The following LRBA variants were observed in gnomAD, a reference collection of about 807,000 sequenced individuals.
LRBA encodes LPS responsive beige-like anchor protein.
Under a neutral mutation model 330.0 loss-of-function variants are expected in LRBA, and 176 were observed. The ratio of observed to expected loss-of-function variants is 0.53; its 90% CI spans 0.47 to 0.60. The LOEUF is 0.60. Ranked by LOEUF, LRBA falls within the 20% of genes least tolerant of loss-of-function variation. LRBA has a pLI of 0.00. For synonymous variants in LRBA, 1,230 were observed against 1,193.0 expected (o/e 1.03, Z -0.64); for missense variants, 3,259 against 3,444.8 (o/e 0.95, Z 1.35).
At chr4:150,581,577 T>C (rs2126372920) in intron 40 of LRBA, 1 of 199,896 alleles carries the variant, frequency 5.0e-6, no homozygotes, top group Non-Finnish European at 1.0e-5. Flanking sequence ...TTCTGAACCA[T>C]TGCTACTCTC....
intron 37 of LRBA, among the ~76,000 whole-genome samples, chr4:150,670,193 A>C (rs1385193337): frequency 6.6e-6 from 1 of 152,194 alleles, no homozygotes; most frequent in Non-Finnish European, 1.5e-5. Flanking sequence ...TGTATTGTAC[A>C]GTACTGTGGT....
At chr4:150,916,846 C>T (rs1561002828) in intron 5 of LRBA, 108 bp from the exon 6 acceptor site, 2 of 838,726 alleles carry the variant, frequency 2.4e-6, no homozygotes, top group Non-Finnish European at 3.5e-6. Context: ...CATCACATTA[C>T]TTTATGTCAC....
chr4:150,451,884 T>C (rs918411725), intron 44 of LRBA, among the ~76,000 whole-genome samples: 10 of 152,128 alleles, frequency 6.6e-5, no homozygotes, highest in Non-Finnish European at 1.5e-5. Flanking sequence ...AACAAAAAGA[T>C]AACCCGAATA....
chr4:150,904,363 A>G (rs898596102), intron 13 of LRBA, among the ~76,000 whole-genome samples: 1 of 152,226 alleles, frequency 6.6e-6, no homozygotes, highest in Non-Finnish European at 1.5e-5. Flanking sequence ...ATAAAAGCAG[A>G]TAAAACCCCT....
intron 4 of LRBA, among the ~76,000 whole-genome samples, chr4:150,926,431 A>T (rs1454797388): frequency 6.6e-6 from 1 of 152,220 alleles, no homozygotes; most frequent in African/African-American, 2.4e-5. Context: ...CTTACTGGAA[A>T]AAAAACTTTT....
chr4:150,584,789 C>T (rs1771889592), intron 40 of LRBA: 1 of 159,662 alleles, frequency 6.3e-6, no homozygotes, highest in African/African-American at 2.4e-5. Flanking sequence ...ATGCAAGAAG[C>T]TTCCACTTGA....
chr4:150,845,937 C>G (rs774055764), intron 26 of LRBA, among the ~76,000 whole-genome samples: 3 of 152,162 alleles, frequency 2.0e-5, no homozygotes, highest in Non-Finnish European at 2.9e-5. Flanking sequence ...TGGTTTCAAT[C>G]AGTTACTCTT....
intron 37 of LRBA, among the ~76,000 whole-genome samples, chr4:150,645,770 A>C (rs923464907): frequency 2.8e-4 from 42 of 151,966 alleles, no homozygotes; most frequent in African/African-American, 1.0e-3. Context: ...GTGTGAAAAC[A>C]TATTTTAAAA....
At chr4:150,823,029 A>C (rs1226915462) in intron 30 of LRBA, among the ~76,000 whole-genome samples, 1 of 152,210 alleles carries the variant, frequency 6.6e-6, no homozygotes, top group African/African-American at 2.4e-5. Flanking sequence ...TGTAGTAATT[A>C]CACTCCCACC....
In LRBA at chr4:150,761,829, G is replaced by T; in HGVS notation, c.5599C>A (p.Gln1867Lys). ...LCSQEWQNSI[Q>K]KNAGLAFIEL... ...ATAAAAGCAAGGCCTGCATTCTTCT[G>T]AATAGAATTTTGCCACTCCTATAAA... Residue 1867 changes from glutamine (Q) to lysine (K), a missense_variant, in exon 35 of 57, where the codon CAG becomes AAG. Gln to Lys is a moderately conservative substitution (Grantham distance 53). Transcript: ENST00000651943. 6.5e-7 allele frequency: 1 copy of T among 1,533,370 alleles called. No homozygotes were observed. The highest frequency in any genetic ancestry group is 1.3e-5 in the South Asian group (1 of 76,074). The allele number at this position is 1,533,370 out of a possible 1,614,324, so 95.0% of individuals were successfully genotyped here.
At position 150,583,204 on chromosome 4, in the gene LRBA, ATCGATGCCCGCTACGAGGGGC is replaced by A; in HGVS notation, c.6330+4823_6330+4843del. On this transcript the variant is annotated intron_variant, in intron 40 of 56. Transcript: ENST00000651943. This position sits in a 1 kb window ranked among gnomAD's most constrained non-coding sequence, Gnocchi z 9.8. ...TCGCTTCATCAGCTCCTTGAGCGAG[ATCGATGCCCGCTACGAGGGGC>A]TCGAGGTCATTTCGCCCACCGAATT... 6.2e-7 allele frequency: 1 copy of A among 1,614,166 alleles called. No individual in the cohort carries two copies.
At chr4:150,665,069 AG>A (rs1781451065) in intron 37 of LRBA, among the ~76,000 whole-genome samples, 1 of 152,180 alleles carries the variant, frequency 6.6e-6, no homozygotes. Flanking sequence ...CCATGGTACA[AG>A]ATCTAGAGAA....
rs140475544 is a variant in LRBA, at chr4:150,509,963, C to T, written c.6331-18928G>A. Among the ~76,000 whole-genome samples the T allele has an allele frequency of 9.4e-3, 1,432 of 152,120 alleles. 11 individuals are homozygous for T. The highest frequency in any genetic ancestry group is 0.015 in the Non-Finnish European group (1,053 of 67,990). Reference sequence around the variant, plus strand: ...ACCAGCCTGGCCAACATGGTGAAACCGCATCTCTACTAAAAATACAAAAAC... The same window carrying T: ...ACCAGCCTGGCCAACATGGTGAAACTGCATCTCTACTAAAAATACAAAAAC... On this transcript the variant is annotated intron_variant, in intron 40 of 56. Transcript: ENST00000651943.
chr4:150,543,525 G>A (rs1295580459), intron 40 of LRBA, among the ~76,000 whole-genome samples: 1 of 152,058 alleles, frequency 6.6e-6, no homozygotes, highest in Non-Finnish European at 1.5e-5. Context: ...CACTTTTTAG[G>A]ATGATTACAG....
At chr4:150,752,338 T>C (rs892576943) in intron 35 of LRBA, among the ~76,000 whole-genome samples, 4 of 152,124 alleles carry the variant, frequency 2.6e-5, no homozygotes, top group Admixed American at 2.6e-4. Context: ...ATCCCTAAAC[T>C]GTTATCTCTC....
At chr4:151,006,347 A>T (rs1297049561) in intron 2 of LRBA, among the ~76,000 whole-genome samples, 1 of 152,144 alleles carries the variant, frequency 6.6e-6, no homozygotes. Flanking sequence ...ATTAAATAAA[A>T]TAAAAATAAA....
chr4:151,000,911 C>T (rs777909450), intron 2 of LRBA, among the ~76,000 whole-genome samples: 45 of 152,294 alleles, frequency 3.0e-4, no homozygotes, highest in Non-Finnish European at 6.0e-4. Flanking sequence ...AGAGACAATC[C>T]CCACTGCGGG....
chr4:150,872,093 T>A (rs1268965758), intron 18 of LRBA, among the ~76,000 whole-genome samples: 3 of 152,154 alleles, frequency 2.0e-5, no homozygotes, highest in African/African-American at 7.2e-5. Flanking sequence ...GATACACAAA[T>A]AAATTATTGT....
chr4:150,830,122 AGAGG>A (rs1238371170), intron 29 of LRBA, among the ~76,000 whole-genome samples: 1 of 152,136 alleles, frequency 6.6e-6, no homozygotes, highest in African/African-American at 2.4e-5. Context: ...CTGTTGTGGA[AGAGG>A]GTTGTTTTAA....
Sources: gnomAD v4.1 joint callset for allele counts (sites outside exome capture counted in the v4.1 genomes callset) on GRCh38, gnomAD v4.1.1 for gene constraint, Gnocchi (gnomAD v3.1) non-coding constraint, MANE v1.5 for transcripts, NCBI Gene and HGNC (gene_info 2026-07-23, HGNC 2026-07-21) for gene names.